The following SLC35F3 variants were observed in gnomAD, a reference collection of about 807,000 sequenced individuals.
SLC35F3 encodes the protein putative thiamine transporter SLC35F3.
In SLC35F3, 25 loss-of-function variants were observed where a neutral mutation model predicts 49.9. That is an observed-to-expected ratio of 0.50 (90% CI 0.37 to 0.70). The LOEUF is 0.70. Ranked by LOEUF, SLC35F3 falls within the 30% of genes least tolerant of loss-of-function variation. SLC35F3 has a pLI of 0.00. For missense variants in SLC35F3, 525 were observed against 639.8 expected, an observed-to-expected ratio of 0.82 and a Z score of 1.94; for synonymous variants, 275 against 265.4, an observed-to-expected ratio of 1.04 and a Z score of -0.35.
At chr1:234,218,310 G>A (rs72760024) in intron 2 of SLC35F3, among the ~76,000 whole-genome samples, 7,706 of 152,246 alleles carry the variant, frequency 0.051, 228 homozygotes, top group Middle Eastern at 0.1. Flanking sequence ...CGTGCAGCAA[G>A]TAGTGTTGTG....
At chr1:234,092,693 T>C (rs1054957195) in intron 2 of SLC35F3, among the ~76,000 whole-genome samples, 12 of 151,818 alleles carry the variant, frequency 7.9e-5, no homozygotes, top group Non-Finnish European at 1.6e-4. Flanking sequence ...CATAGCAAGA[T>C]CCCATTTCTG....
intron 2 of SLC35F3, among the ~76,000 whole-genome samples, chr1:234,087,987 C>T (rs1664985658): frequency 6.6e-6 from 1 of 152,234 alleles, no homozygotes; most frequent in African/African-American, 2.4e-5. Context: ...CTGCCTCCAG[C>T]TTAGTCTCCT....
In SLC35F3 at chr1:234,166,845, G is replaced by A. The variant is rs138920394; in HGVS notation, c.284-64572G>A. Reference sequence around the variant, plus strand: ...CTTGTGGTTCCTTTCTCAGTTCACCGTTCTTCAGTAGCAGTTTCATGGGGT... The same window carrying A: ...CTTGTGGTTCCTTTCTCAGTTCACCATTCTTCAGTAGCAGTTTCATGGGGT... On this transcript the variant is annotated intron_variant, in intron 2 of 7. Transcript: ENST00000366618. Among the ~76,000 whole-genome samples, 538 of 152,322 alleles carry A rather than the reference G, an allele frequency of 3.5e-3. 5 individuals are homozygous for A. Among genetic ancestry groups the A allele is most frequent in the African/African-American group, 0.011 (476 of 41,572 alleles).
intron 2 of SLC35F3, among the ~76,000 whole-genome samples, chr1:234,088,762 CT>C (rs1558226094): frequency 1.3e-5 from 2 of 152,130 alleles, no homozygotes; most frequent in East Asian, 1.9e-4. Flanking sequence ...CAGAAGATTT[CT>C]TTTTTTCTTT....
intron 2 of SLC35F3, among the ~76,000 whole-genome samples, chr1:233,927,400 G>T (rs920701485): frequency 2.0e-5 from 3 of 151,962 alleles, no homozygotes; most frequent in Non-Finnish European, 4.4e-5. Flanking sequence ...CTTCAAAATG[G>T]TTTTTCAAAA....
intron 2 of SLC35F3, among the ~76,000 whole-genome samples, chr1:233,913,547 G>A (rs1400663087): frequency 6.6e-6 from 1 of 152,164 alleles, no homozygotes; most frequent in Non-Finnish European, 1.5e-5. Flanking sequence ...TGTGGTCTTG[G>A]CACATAGAAC....
At chr1:234,089,921 A>C (rs1558226448) in intron 2 of SLC35F3, among the ~76,000 whole-genome samples, 1 of 152,098 alleles carries the variant, frequency 6.6e-6, no homozygotes, top group Non-Finnish European at 1.5e-5. Flanking sequence ...TACCAAGATA[A>C]CTCCACAGGC....
chr1:233,953,363 A>T (rs1662640898), intron 2 of SLC35F3, among the ~76,000 whole-genome samples: 2 of 152,246 alleles, frequency 1.3e-5, no homozygotes, highest in East Asian at 1.9e-4. Context: ...TATAGCTGGG[A>T]ATTCACTGAG....
chr1:234,082,428 TAAAG>T (rs1039910975), intron 2 of SLC35F3, among the ~76,000 whole-genome samples: 10 of 152,232 alleles, frequency 6.6e-5, no homozygotes, highest in African/African-American at 2.4e-4. Context: ...AGCAGTGTGA[TAAAG>T]AGTGTTTGCT....
At chr1:234,265,299 A>G (rs115604936) in intron 3 of SLC35F3, among the ~76,000 whole-genome samples, 137 of 152,172 alleles carry the variant, frequency 9.0e-4, no homozygotes, top group African/African-American at 3.3e-3. Flanking sequence ...GCACAGGCCA[A>G]AAATCTCAGC....
intron 3 of SLC35F3, among the ~76,000 whole-genome samples, chr1:234,290,603 A>G (rs182313502): frequency 6.6e-6 from 1 of 152,316 alleles, no homozygotes; most frequent in Non-Finnish European, 1.5e-5. Context: ...AGTTGCTGAG[A>G]ATCCTACTCC....
intron 2 of SLC35F3, among the ~76,000 whole-genome samples, chr1:234,030,595 C>T (rs777210434): frequency 9.2e-5 from 14 of 152,106 alleles, no homozygotes; most frequent in Non-Finnish European, 1.8e-4. Context: ...ATCCATTGTA[C>T]GGGATTAAAT....
At chr1:233,908,777 G>A (rs1414014749) in intron 2 of SLC35F3, among the ~76,000 whole-genome samples, 7 of 151,440 alleles carry the variant, frequency 4.6e-5, no homozygotes, top group Non-Finnish European at 7.4e-5. Context: ...CTCATGATCT[G>A]CCCACCTCGG....
chr1:234,169,236 G>A (rs1666362805), intron 2 of SLC35F3, among the ~76,000 whole-genome samples: 1 of 152,200 alleles, frequency 6.6e-6, no homozygotes, highest in African/African-American at 2.4e-5. Context: ...TCTTTACTCA[G>A]CCTACTGTTT....
At chr1:233,993,033 G>A (rs1372007557) in intron 2 of SLC35F3, among the ~76,000 whole-genome samples, 1 of 152,104 alleles carries the variant, frequency 6.6e-6, no homozygotes, top group Non-Finnish European at 1.5e-5. Context: ...CCCGTGCCTT[G>A]CCTAATGCTC....
At chr1:233,985,016 G>C (rs979433656) in intron 2 of SLC35F3, among the ~76,000 whole-genome samples, 3 of 152,006 alleles carry the variant, frequency 2.0e-5, no homozygotes, top group Admixed American at 6.6e-5. Context: ...GCAGGGGTTG[G>C]GGGGGTGCCC....
chr1:234,261,122 C>T (rs1366299288), intron 3 of SLC35F3, among the ~76,000 whole-genome samples: 3 of 151,950 alleles, frequency 2.0e-5, no homozygotes, highest in African/African-American at 7.3e-5. Context: ...AGGCTACCTC[C>T]CGAGAAAGTG....
chr1:234,162,373 C>T, intron 2 of SLC35F3, among the ~76,000 whole-genome samples: 1 of 89,688 alleles, frequency 1.1e-5, no homozygotes, highest in Middle Eastern at 0.011. Context: ...TTCAACTAAG[C>T]CTCTGTGCAA....
chr1:234,013,851 CA>C (rs58366458), intron 2 of SLC35F3, among the ~76,000 whole-genome samples: 22,229 of 139,060 alleles, frequency 0.16, 2,686 homozygotes, highest in African/African-American at 0.36. Context: ...ACTTTCCCAT[CA>C]AAAAAAAAAA....
Sources: gnomAD v4.1 joint callset for allele counts (sites outside exome capture counted in the v4.1 genomes callset) on GRCh38, gnomAD v4.1.1 for gene constraint, MANE v1.5 for transcripts, NCBI Gene and HGNC (gene_info 2026-07-23, HGNC 2026-07-21) for gene names.